Variants in SGCD observed in about 807,000 individuals in gnomAD.
SGCD encodes delta-sarcoglycan.
In SGCD, 18 loss-of-function variants were observed where a neutral mutation model predicts 36.6. That is an observed-to-expected ratio of 0.49 (90% confidence interval 0.34 to 0.73). The LOEUF (loss-of-function observed/expected upper bound fraction) is 0.73, where lower values mean the gene tolerates loss of function less well. Ranked by LOEUF, SGCD falls within the 30% of genes least tolerant of loss-of-function variation. The pLI is 0.01. For missense variants in SGCD, 387 were observed against 346.7 expected (o/e 1.12, Z -0.92); for synonymous variants, 133 against 130.6 (o/e 1.02, Z -0.12).
chr5:155,825,229 A>T, the SGCD span, among the ~76,000 whole-genome samples: 1 of 152,182 alleles, frequency 6.6e-6, no homozygotes, highest in Non-Finnish European at 1.5e-5. Context: ...ATAAGGAGGA[A>T]AAAAAGAAAA....
chr5:156,017,223 A>G (rs962233380), intron 1 of SGCD, among the ~76,000 whole-genome samples: 28 of 152,196 alleles, frequency 1.8e-4, no homozygotes, highest in Non-Finnish European at 1.8e-4. Context: ...CCTCAATACA[A>G]AAATGTTGCT....
chr5:156,755,772 T>C (rs1337387442), intron 7 of SGCD, among the ~76,000 whole-genome samples: 1 of 152,150 alleles, frequency 6.6e-6, no homozygotes, highest in African/African-American at 2.4e-5. Context: ...ACATAGAAAC[T>C]CAGGCCAATC....
At chr5:156,547,650 G>A (rs1274341882) in intron 4 of SGCD, among the ~76,000 whole-genome samples, 2 of 151,984 alleles carry the variant, frequency 1.3e-5, no homozygotes, top group Non-Finnish European at 2.9e-5. Flanking sequence ...CACCATGTTA[G>A]CCAGGATGGT....
chr5:156,123,623 TG>T (rs1432538952), intron 2 of SGCD, among the ~76,000 whole-genome samples: 2 of 152,132 alleles, frequency 1.3e-5, no homozygotes, highest in African/African-American at 2.4e-5. Context: ...AAATTTGATT[TG>T]TTAAGTCCTA....
intron 3 of SGCD, among the ~76,000 whole-genome samples, chr5:156,181,063 A>G (rs559640260): frequency 6.6e-6 from 1 of 152,220 alleles, no homozygotes; most frequent in Admixed American, 6.5e-5. Context: ...AGTTTCTCTC[A>G]GTGCTTTGGG....
At chr5:155,783,975 T>C in the SGCD span, among the ~76,000 whole-genome samples, 448 of 152,332 alleles carry the variant, frequency 2.9e-3, 1 homozygote, top group African/African-American at 0.01. Context: ...CTCCAGGCCA[T>C]GCCATTACAT....
At chr5:156,220,930 C>T (rs1368872922) in intron 3 of SGCD, among the ~76,000 whole-genome samples, 1 of 152,092 alleles carries the variant, frequency 6.6e-6, no homozygotes, top group African/African-American at 2.4e-5. Flanking sequence ...TTTTGTGTGG[C>T]TCCATGTGGC....
chr5:156,680,816 A>T (rs934462880), intron 7 of SGCD, among the ~76,000 whole-genome samples: 1 of 152,216 alleles, frequency 6.6e-6, no homozygotes, highest in East Asian at 1.9e-4. Context: ...ATGGTATTGC[A>T]TGGAGACATG....
chr5:155,728,287 G>A, the SGCD span, among the ~76,000 whole-genome samples: 22 of 152,232 alleles, frequency 1.4e-4, no homozygotes, highest in Admixed American at 1.2e-3. Context: ...TGCTGCCGCT[G>A]CTGCCGCTGC....
At chr5:156,709,844 G>A (rs1037829049) in intron 7 of SGCD, among the ~76,000 whole-genome samples, 1 of 93,090 alleles carries the variant, frequency 1.1e-5, no homozygotes, top group African/African-American at 4.2e-5. Context: ...CCCCCCCGAC[G>A]CCGCCACCCT....
intron 3 of SGCD, among the ~76,000 whole-genome samples, chr5:156,191,668 G>A (rs1226690692): frequency 6.6e-6 from 1 of 152,082 alleles, no homozygotes; most frequent in Non-Finnish European, 1.5e-5. Flanking sequence ...TGAGCTTAGT[G>A]GCTATACAGG....
At chr5:156,747,633 G>C (rs1756996354) in intron 7 of SGCD, among the ~76,000 whole-genome samples, 1 of 152,110 alleles carries the variant, frequency 6.6e-6, no homozygotes, top group Admixed American at 6.5e-5. Context: ...CCCTCAAATT[G>C]AAAGAGTGAG....
At chr5:156,429,778 G>C (rs1390444990) in intron 3 of SGCD, among the ~76,000 whole-genome samples, 2 of 152,038 alleles carry the variant, frequency 1.3e-5, no homozygotes, top group Non-Finnish European at 2.9e-5. Flanking sequence ...CATTTATAAA[G>C]CCTAGTTTCA....
chr5:156,078,634 A>G (rs1760865070), intron 1 of SGCD, among the ~76,000 whole-genome samples: 1 of 145,950 alleles, frequency 6.9e-6, no homozygotes, highest in South Asian at 2.1e-4. Flanking sequence ...ATATACACAC[A>G]CATATTTATA....
chr5:155,922,118 C>T (rs990299368), intron 1 of SGCD, among the ~76,000 whole-genome samples: 1 of 152,170 alleles, frequency 6.6e-6, no homozygotes, highest in Non-Finnish European at 1.5e-5. Flanking sequence ...CTAACTAGCT[C>T]TATGGCAAGT....
At chr5:155,794,225 G>A in the SGCD span, among the ~76,000 whole-genome samples, 2 of 152,034 alleles carry the variant, frequency 1.3e-5, no homozygotes, top group African/African-American at 4.8e-5. Context: ...TTGCCTAGCA[G>A]AAAAAAAGGC....
chr5:156,336,038 T>C (rs1394573209), intron 2 of SGCD, among the ~76,000 whole-genome samples: 2 of 152,188 alleles, frequency 1.3e-5, no homozygotes, highest in African/African-American at 2.4e-5. Flanking sequence ...TGGTTACTGT[T>C]GCTTTCTGTA....
chr5:155,771,036 A>G, the SGCD span, among the ~76,000 whole-genome samples: 1 of 150,240 alleles, frequency 6.7e-6, no homozygotes, highest in Non-Finnish European at 1.5e-5. Flanking sequence ...AAAAACCACA[A>G]AAGTGCTCCT....
At chr5:156,623,479 G>A (rs995842394) in intron 6 of SGCD, among the ~76,000 whole-genome samples, 1 of 152,192 alleles carries the variant, frequency 6.6e-6, no homozygotes, top group African/African-American at 2.4e-5. Flanking sequence ...AACTCAGATT[G>A]TTCTTTTCTG....
Sources: gnomAD v4.1 joint callset for allele counts (sites outside exome capture counted in the v4.1 genomes callset) on GRCh38, gnomAD v4.1.1 for gene constraint, MANE v1.5 for transcripts, NCBI Gene and HGNC (gene_info 2026-07-23, HGNC 2026-07-21) for gene names.